SLC13A4: variants seen among roughly 807,000 people sequenced by gnomAD.
SLC13A4 encodes solute carrier family 13 member 4.
In SLC13A4, 28 loss-of-function variants were observed where a neutral mutation model predicts 72.7. The observed-to-expected ratio is 0.39, with a 90% CI of 0.29 to 0.53. The LOEUF (loss-of-function observed/expected upper bound fraction) is 0.53, where lower values mean the gene tolerates loss of function less well. Ranked by LOEUF, SLC13A4 falls within the 20% of genes least tolerant of loss-of-function variation. The pLI, the probability that SLC13A4 is intolerant of heterozygous loss-of-function variation, is 0.78. For synonymous variants in SLC13A4, 312 were observed against 325.5 expected (o/e 0.96, Z 0.45); for missense variants, 653 against 788.0 (o/e 0.83, Z 2.05).
chr7:135,699,018 G>A (rs931203296), intron 8 of SLC13A4, among the ~76,000 whole-genome samples: 2 of 151,934 alleles, frequency 1.3e-5, no homozygotes, highest in Admixed American at 6.6e-5. Flanking sequence ...ATGGCTCACC[G>A]TAACCTCAAA....
intron 13 of SLC13A4, among the ~76,000 whole-genome samples, chr7:135,690,134 T>A (rs916253727): frequency 7.9e-6 from 1 of 126,808 alleles, no homozygotes; most frequent in African/African-American, 3.2e-5. Context: ...TGAGCAGAGA[T>A]GGCGCCACTG....
At chr7:135,723,704 AG>A (rs1259773949) in intron 1 of SLC13A4, among the ~76,000 whole-genome samples, 1 of 152,202 alleles carries the variant, frequency 6.6e-6, no homozygotes, top group African/African-American at 2.4e-5. Flanking sequence ...TGTATCAGTA[AG>A]GGGCAGCAGG....
intron 2 of SLC13A4, among the ~76,000 whole-genome samples, chr7:135,719,995 A>C (rs1454672769): frequency 6.6e-6 from 1 of 151,828 alleles, no homozygotes; most frequent in Non-Finnish European, 1.5e-5. Context: ...GAAAGAAAGA[A>C]AAGGAACCTA....
chr7:135,685,160 T>C (rs1402012940), intron 14 of SLC13A4, among the ~76,000 whole-genome samples: 2 of 152,210 alleles, frequency 1.3e-5, no homozygotes, highest in African/African-American at 4.8e-5. Flanking sequence ...TCTTTGGCCC[T>C]ACTCAGGTTT....
At chr7:135,705,976 G>A (rs891991169) in intron 4 of SLC13A4, 152 bp downstream of exon 4, 10 of 673,820 alleles carry the variant, frequency 1.5e-5, no homozygotes, top group East Asian at 8.0e-5. Context: ...ATGGGAAAGA[G>A]GAGAGAGGGA....
chr7:135,694,418 T>C (rs1795857937), intron 9 of SLC13A4, among the ~76,000 whole-genome samples, 180 bp from the exon 10 acceptor site: 1 of 152,164 alleles, frequency 6.6e-6, no homozygotes, highest in Non-Finnish European at 1.5e-5. Flanking sequence ...ATCCGGCCTC[T>C]CATCAACCTT....
intron 2 of SLC13A4, among the ~76,000 whole-genome samples, chr7:135,711,963 A>AT (rs529940903): frequency 0.027 from 1,283 of 46,882 alleles, 250 homozygotes; most frequent in Non-Finnish European, 0.043. Context: ...ATGTTTTTGG[A>AT]TTTTTTTTTT....
chr7:135,720,573 A>C (rs1281557871), intron 2 of SLC13A4, among the ~76,000 whole-genome samples: 3 of 142,728 alleles, frequency 2.1e-5, no homozygotes, highest in Admixed American at 7.2e-5. Context: ...AAAAAAAAAA[A>C]ACCAAAAACA....
chr7:135,687,305 G>A (rs1795652622), intron 13 of SLC13A4, among the ~76,000 whole-genome samples: 1 of 152,206 alleles, frequency 6.6e-6, no homozygotes, highest in South Asian at 2.1e-4. Flanking sequence ...AATATGGAGA[G>A]CAGGGACAGA....
In SLC13A4 at chr7:135,727,389, G is replaced by C; in HGVS notation, c.99+9C>G. The C allele has an allele frequency of 1.9e-6, 3 of 1,548,702 alleles. No individual in the cohort carries two copies. Among genetic ancestry groups the C allele is most frequent in the Non-Finnish European group, 2.6e-6 (3 of 1,146,718 alleles). ...CCCAGACCCCCGGTGGGCGCAGGTC[G>C]GTACTCACGCTGCTGGGGTGGAGGA... On this transcript the variant is annotated intron_variant, in intron 1 of 15. Coordinates refer to ENST00000682651, the MANE Select transcript of SLC13A4 (RefSeq NM_001318192.2).
At chr7:135,683,738 A>G (rs1430244578) in intron 15 of SLC13A4, 1 of 985,274 alleles carries the variant, frequency 1.0e-6, no homozygotes, top group Non-Finnish European at 1.2e-6. Context: ...CTAGGTTCAT[A>G]CACTTCCTCA....
At chr7:135,719,981 G>C (rs1289505909) in intron 2 of SLC13A4, among the ~76,000 whole-genome samples, 1 of 150,576 alleles carries the variant, frequency 6.6e-6, no homozygotes, top group East Asian at 2.0e-4. Flanking sequence ...GAGAGAAAGA[G>C]AGAGAAAGAA....
intron 15 of SLC13A4, 50 bp from the exon 16 acceptor site, chr7:135,681,750 C>T (rs1467973924): frequency 6.3e-7 from 1 of 1,586,070 alleles, no homozygotes. Context: ...AGCAGCAGCA[C>T]AGATCCCCAA....
At chr7:135,715,323 G>GTC (rs556469909) in intron 2 of SLC13A4, among the ~76,000 whole-genome samples, 9 of 144,772 alleles carry the variant, frequency 6.2e-5, no homozygotes, top group African/African-American at 1.7e-4. Flanking sequence ...GTGTATGTGT[G>GTC]TGAGTAAGTG....
chr7:135,705,514 T>A, intron 5 of SLC13A4, 82 bp downstream of exon 5: 2 of 1,325,350 alleles, frequency 1.5e-6, no homozygotes, highest in South Asian at 2.5e-5. Context: ...CAAAGAGCTG[T>A]TTATGGGTCT....
In SLC13A4 at chr7:135,684,260, G is replaced by C. The variant is rs1279018464; in HGVS notation, c.1610C>G (p.Ser537Cys). 6.3e-7 allele frequency: 1 copy of C among 1,592,714 alleles called. No homozygotes were observed. The highest frequency in any genetic ancestry group is 8.6e-7 in the Non-Finnish European group (1 of 1,166,334). Residue 537 changes from serine (S) to cysteine (C), a missense_variant and splice_region_variant, in exon 15 of 16, where the codon TCT becomes TGT. Coordinates refer to ENST00000682651, the MANE Select transcript of SLC13A4 (RefSeq NM_001318192.2). ...GAGGGGGTTAATGTGCAGCGTTTCA[G>C]ACTAGAAGAGAGAATTCACAGAAAC... ...TIFLPILCSLSETLHINPLYT... is the reference protein window; with the variant it reads ...TIFLPILCSLCETLHINPLYT...
intron 2 of SLC13A4, among the ~76,000 whole-genome samples, chr7:135,718,209 G>T (rs1448120995): frequency 1.3e-5 from 2 of 152,044 alleles, no homozygotes; most frequent in Non-Finnish European, 2.9e-5. Flanking sequence ...GGGGAGAGAT[G>T]ACATTTTGTT....
At chr7:135,719,495 A>G (rs116762687) in intron 2 of SLC13A4, among the ~76,000 whole-genome samples, 1,698 of 152,242 alleles carry the variant, frequency 0.011, 29 homozygotes, top group African/African-American at 0.038. Context: ...TCACAATTTT[A>G]AAGAGAAGCC....
At chr7:135,682,851 C>T (rs1584711848) in intron 15 of SLC13A4, among the ~76,000 whole-genome samples, 1 of 152,084 alleles carries the variant, frequency 6.6e-6, no homozygotes, top group South Asian at 2.1e-4. Flanking sequence ...TGGGGGCACA[C>T]AGCAGAGGAA....
Sources: allele counts gnomAD v4.1 joint callset (sites outside exome capture counted in the v4.1 genomes callset), GRCh38; gene constraint gnomAD v4.1.1; transcripts MANE v1.5; gene names NCBI Gene and HGNC (gene_info 2026-07-23, HGNC 2026-07-21).